AKAP12: variants seen among roughly 807,000 people sequenced by gnomAD.
The protein encoded by AKAP12 is A-kinase anchor protein 12.
A neutral mutation model predicts 79.9 loss-of-function variants in AKAP12; 32 were observed. That is an observed-to-expected ratio of 0.40 (90% CI 0.30 to 0.54). The LOEUF (loss-of-function observed/expected upper bound fraction) is 0.54. Among genes scored for constraint, AKAP12 ranks in the 20% least tolerant of loss-of-function variants. AKAP12 has a pLI of 0.48. For synonymous variants in AKAP12, 808 were observed against 857.0 expected, an observed-to-expected ratio of 0.94 and a Z score of 1.00; for missense variants, 2,074 against 2,177.0, an observed-to-expected ratio of 0.95 and a Z score of 0.94.
rs546604004 is a variant in AKAP12 at position 151,325,322 on chromosome 6, C to A, written c.319+19419C>A. 49 of 985,452 alleles carry A rather than the reference C, an allele frequency of 5.0e-5. No homozygotes were observed. In the South Asian group the frequency reaches 2.0e-3, roughly 40 times the overall value. 61.0% of individuals were successfully genotyped at this position (985,452 alleles called of 1,614,324 possible). A position where few individuals can be genotyped will look rare whatever the true frequency, so the allele number is the denominator to read the frequency against. On this transcript the variant is annotated intron_variant, in intron 3 of 4. Coordinates refer to ENST00000402676, the MANE Select transcript of AKAP12 (RefSeq NM_005100.4). Reference sequence around the variant, plus strand: ...AATTTACTGTCTGTGTGGCTATTTCCTTGAAATGACTTAAAAAGCTGAGAT... The same window carrying A: ...AATTTACTGTCTGTGTGGCTATTTCATTGAAATGACTTAAAAAGCTGAGAT...
intron 3 of AKAP12, among the ~76,000 whole-genome samples, chr6:151,335,166 CT>C (rs1777780458): frequency 6.6e-6 from 1 of 152,068 alleles, no homozygotes; most frequent in African/African-American, 2.4e-5. Flanking sequence ...GTTTTGAAGA[CT>C]TTATTCAGAA....
chr6:151,291,189 C>A (rs1282617366), intron 2 of AKAP12, among the ~76,000 whole-genome samples: 9 of 152,146 alleles, frequency 5.9e-5, no homozygotes, highest in Admixed American at 5.9e-4. Context: ...CTGGGGGAGC[C>A]TTGGAAACTA....
Position 151,352,644 on chromosome 6 carries a change from C to T in AKAP12, c.4253C>T (p.Ser1418Leu), listed in dbSNP as rs1382974001. The change falls in exon 4 of 5, where the codon TCA becomes TTA. Residue 1418 changes from serine to leucine, a missense_variant. Transcript: ENST00000402676. Reference sequence around the variant, plus strand: ...ATTCAAGTTCAGAGCTCTGAGGCATCATTCACTCTAACAGCGGCTGCAGAG... The same window carrying T: ...ATTCAAGTTCAGAGCTCTGAGGCATTATTCACTCTAACAGCGGCTGCAGAG... ...TKIQVQSSEASFTLTAAAEEE... is the reference protein window; with the variant it reads ...TKIQVQSSEALFTLTAAAEEE... 1.9e-6 allele frequency: 3 copies of T among 1,614,184 alleles called. No individual in the cohort carries two copies. The highest frequency in any genetic ancestry group is 2.5e-6 in the Non-Finnish European group (3 of 1,180,040).
At chr6:151,315,494 A>G (rs562434187) in intron 3 of AKAP12, among the ~76,000 whole-genome samples, 1 of 152,336 alleles carries the variant, frequency 6.6e-6, no homozygotes, top group Admixed American at 6.5e-5. Flanking sequence ...AGGTTTCAAC[A>G]TATGAAATTT....
chr6:151,255,110 A>G (rs892180762), intron 2 of AKAP12, among the ~76,000 whole-genome samples: 2 of 152,158 alleles, frequency 1.3e-5, no homozygotes, highest in East Asian at 3.9e-4. Context: ...GTCAACAAAA[A>G]TGAAGTTACA....
chr6:151,325,719 C>G (rs2114785662), intron 3 of AKAP12: 1 of 1,504,830 alleles, frequency 6.6e-7, no homozygotes, highest in Admixed American at 2.3e-5. Context: ...GGTTCTCCCC[C>G]ATCCTCCGGG....
intron 2 of AKAP12, among the ~76,000 whole-genome samples, chr6:151,242,227 C>T (rs11962118): frequency 0.023 from 3,431 of 152,300 alleles, 143 homozygotes; most frequent in African/African-American, 0.078. Context: ...ATTCCCCCCA[C>T]CGCCCCGGCT....
At chr6:151,316,671 C>T (rs1777242890) in intron 3 of AKAP12, among the ~76,000 whole-genome samples, 1 of 152,202 alleles carries the variant, frequency 6.6e-6, no homozygotes, top group Non-Finnish European at 1.5e-5. Flanking sequence ...CGCTCTGTCA[C>T]CCAGGCTGGA....
At position 151,240,257 on chromosome 6, in the gene AKAP12, C is replaced by T. The variant is rs1445232525; in HGVS notation, c.-179-127C>T. The T allele has an allele frequency of 5.7e-5, 14 of 245,730 alleles. 1 individual carries two copies. In the South Asian group the frequency reaches 2.1e-3, roughly 36 times the overall value. The allele number at this position is 245,730 out of a possible 1,614,324, so 15.2% of individuals were successfully genotyped here. A position where few individuals can be genotyped will look rare whatever the true frequency, so the allele number is the denominator to read the frequency against. ...GTCGCAGCGCCTCTGGTCCCGGCAG[C>T]CTGGGGGCAGATGCTGCTGCAGGGC... is the stretch of plus-strand genomic sequence containing the variant. On this transcript the variant is annotated intron_variant, in intron 1 of 4. Coordinates refer to ENST00000402676, the MANE Select transcript of AKAP12 (RefSeq NM_005100.4).
intron 2 of AKAP12, among the ~76,000 whole-genome samples, chr6:151,256,948 CTA>C (rs57384016): frequency 2.7e-5 from 4 of 145,826 alleles, no homozygotes; most frequent in Admixed American, 1.4e-4. Flanking sequence ...CGCGCCCGGC[CTA>C]TATATATATA....
intron 2 of AKAP12, among the ~76,000 whole-genome samples, chr6:151,280,839 C>T (rs1384584507): frequency 6.6e-6 from 1 of 151,986 alleles, no homozygotes; most frequent in African/African-American, 2.4e-5. Context: ...ATATTAGATA[C>T]TTTACGGAAT....
At chr6:151,334,331 C>T (rs547052379) in intron 3 of AKAP12, among the ~76,000 whole-genome samples, 2 of 152,128 alleles carry the variant, frequency 1.3e-5, no homozygotes, top group Admixed American at 6.5e-5. Context: ...CGGTGGCTCA[C>T]GCCTGTAATC....
chr6:151,352,482 T>C lies in AKAP12; in HGVS notation c.4091T>C (p.Val1364Ala). 3 of 1,614,178 alleles carry C rather than the reference T, an allele frequency of 1.9e-6. No homozygotes were observed. The highest frequency in any genetic ancestry group is 2.5e-6 in the Non-Finnish European group (3 of 1,180,036). Residue 1364 changes from valine (V) to alanine (A), a missense_variant, in exon 4 of 5, where the codon GTT (valine) becomes GCT (alanine). Coordinates refer to ENST00000402676, the MANE Select transcript of AKAP12 (RefSeq NM_005100.4). The stretch of plus-strand genomic sequence containing the variant: ...GAGAAGCTTGAGCACGAAACAGCTG[T>C]TACCGTATCTGAAGAGGTCAGTAAG... ...NEEKLEHETA[V>A]TVSEEVSKQL...
chr6:151,250,143 G>A (rs1391968373), intron 2 of AKAP12, among the ~76,000 whole-genome samples: 1 of 152,050 alleles, frequency 6.6e-6, no homozygotes, highest in African/African-American at 2.4e-5. Context: ...TAGTTGGGAG[G>A]CTGAGGTGGG....
chr6:151,244,223 G>C (rs1421526664), intron 2 of AKAP12, among the ~76,000 whole-genome samples: 1 of 152,054 alleles, frequency 6.6e-6, no homozygotes, highest in Non-Finnish European at 1.5e-5. Context: ...TTTGACCCTC[G>C]TGCATTAAAA....
intron 2 of AKAP12, among the ~76,000 whole-genome samples, chr6:151,264,430 G>T (rs998751909): frequency 6.6e-6 from 1 of 151,402 alleles, no homozygotes; most frequent in Non-Finnish European, 1.5e-5. Context: ...CAGCACTTTG[G>T]GAGGCCGAGG....
At position 151,350,173 on chromosome 6, in the gene AKAP12, A is replaced by G. The variant is rs1391638409; in HGVS notation, c.1782A>G (p.Glu594=). ...TGCAGCAGGATGGGGAAGCTGAAGA[A>G]GGAGCTACTTCCGATGGAGAGAAAA... is the stretch of plus-strand genomic sequence containing the variant. ...AEVQQDGEAE[E]GATSDGEKKR... Residue 594 remains glutamate, a synonymous_variant, in exon 4 of 5, where the codon GAA becomes GAG. Coordinates refer to ENST00000402676, the MANE Select transcript of AKAP12 (RefSeq NM_005100.4). This position sits in a 1 kb window ranked among gnomAD's most constrained non-coding sequence, Gnocchi z 4.8. 6 of 1,613,904 alleles carry G rather than the reference A, an allele frequency of 3.7e-6. No homozygotes were observed. In the African/African-American group the frequency reaches 8.0e-5, roughly 22 times the overall value.
At chr6:151,329,277 C>T (rs1562741886) in intron 3 of AKAP12, among the ~76,000 whole-genome samples, 3 of 152,122 alleles carry the variant, frequency 2.0e-5, no homozygotes, top group Non-Finnish European at 4.4e-5. Flanking sequence ...CACCACGCCC[C>T]GCTAATGTTT....
chr6:151,257,095 GT>G (rs966568162), intron 2 of AKAP12, among the ~76,000 whole-genome samples: 3 of 152,030 alleles, frequency 2.0e-5, no homozygotes, highest in African/African-American at 7.3e-5. Flanking sequence ...GCATGTGCAG[GT>G]TTGTTAGCTA....
Sources: gnomAD v4.1 joint callset for allele counts (sites outside exome capture counted in the v4.1 genomes callset) on GRCh38, gnomAD v4.1.1 for gene constraint, Gnocchi (gnomAD v3.1) non-coding constraint, MANE v1.5 for transcripts, NCBI Gene and HGNC (gene_info 2026-07-23, HGNC 2026-07-21) for gene names.